Variants in ZC3H12B observed in about 807,000 individuals in gnomAD.
ZC3H12B encodes probable ribonuclease ZC3H12B.
ZC3H12B carries 7 observed loss-of-function variants against 43.9 expected under a neutral mutation model. The observed-to-expected ratio is 0.16, with a 90% CI of 0.09 to 0.30. ZC3H12B has a LOEUF of 0.30. Among genes scored for constraint, ZC3H12B ranks in the 10% least tolerant of loss-of-function variants. ZC3H12B has a pLI of 1.00. For missense variants in ZC3H12B, 475 were observed against 670.2 expected (o/e 0.71, Z 3.22); for synonymous variants, 222 against 241.7 (o/e 0.92, Z 0.76).
At chrX:65,370,669 C>A (rs941988748) in intron 2 of ZC3H12B, among the ~76,000 whole-genome samples, 3 of 111,822 alleles carry the variant, frequency 2.7e-5, no homozygotes, top group Non-Finnish European at 5.6e-5. Context: ...GCCCCAGCAG[C>A]CATGCAATAG....
chrX:65,459,508 C>T (rs1428158391), intron 3 of ZC3H12B, among the ~76,000 whole-genome samples: 5 of 111,544 alleles, frequency 4.5e-5, no homozygotes, highest in Non-Finnish European at 9.4e-5. Context: ...GCTTATCCAC[C>T]ATGATCAAGT....
chrX:65,334,336 T>G, the ZC3H12B span, among the ~76,000 whole-genome samples: 6 of 112,284 alleles, frequency 5.3e-5, no homozygotes, highest in East Asian at 1.7e-3. Context: ...AACCTTTCAC[T>G]TGCTGAAACC....
At position 65,450,326 on chromosome X, in the gene ZC3H12B, T is replaced by C. The variant is rs748591965; in HGVS notation, n.408-38320T>C. ...CTCAAAAAAAAAATATATATATATA[T>C]ACATATATATGTATATATATGTGTA... On this transcript the variant is annotated intron_variant and non_coding_transcript_variant, in intron 3 of 5. Transcript: ENST00000617377. Among the ~76,000 whole-genome samples, 660 of 85,553 alleles carry C rather than the reference T, an allele frequency of 7.7e-3. 3 individuals are homozygous for C. The highest frequency in any genetic ancestry group is 0.014 in the South Asian group (24 of 1,704). The allele number at this position is 85,553 out of a possible 115,157, so 74.3% of individuals were successfully genotyped here.
the ZC3H12B span, among the ~76,000 whole-genome samples, chrX:65,113,337 T>C: frequency 9.0e-6 from 1 of 111,543 alleles, no homozygotes; most frequent in African/African-American, 3.3e-5. Context: ...TATGTAAACC[T>C]AGTTGATTAA....
chrX:65,038,013 T>G, the ZC3H12B span, among the ~76,000 whole-genome samples: 2 of 111,227 alleles, frequency 1.8e-5, no homozygotes, highest in African/African-American at 6.5e-5. Flanking sequence ...CTAACAACCT[T>G]CCGCTATATT....
At chrX:65,079,314 G>A in the ZC3H12B span, among the ~76,000 whole-genome samples, 5 of 112,716 alleles carry the variant, frequency 4.4e-5, no homozygotes, top group East Asian at 2.8e-4. Flanking sequence ...TGAAGGGAAG[G>A]ATGCAGGCCT....
At chrX:65,181,451 A>G in the ZC3H12B span, among the ~76,000 whole-genome samples, 7 of 111,693 alleles carry the variant, frequency 6.3e-5, no homozygotes, top group South Asian at 1.5e-3. Flanking sequence ...ACAAACTATC[A>G]TCAGAGTGAA....
the ZC3H12B span, among the ~76,000 whole-genome samples, chrX:65,213,855 A>G: frequency 9.2e-6 from 1 of 108,418 alleles, no homozygotes; most frequent in Admixed American, 1.0e-4. Context: ...AGGTCACTAT[A>G]AAGTAAATCA....
the ZC3H12B span, among the ~76,000 whole-genome samples, chrX:65,176,017 G>T: frequency 4.6e-5 from 5 of 109,670 alleles, 1 homozygote; most frequent in Admixed American, 3.9e-4. Context: ...CCCCAGTGGC[G>T]CCTGGAACAC....
intron 3 of ZC3H12B, among the ~76,000 whole-genome samples, chrX:65,446,939 C>T (rs939170135): frequency 1.8e-5 from 2 of 111,863 alleles, no homozygotes; most frequent in African/African-American, 6.5e-5. Context: ...TTTACTCTGT[C>T]TTCTGCCTCT....
chrX:65,316,298 A>G, the ZC3H12B span, among the ~76,000 whole-genome samples: 1 of 112,000 alleles, frequency 8.9e-6, no homozygotes, highest in Non-Finnish European at 1.9e-5. Context: ...TAAAGAGGCC[A>G]GCATTTAAAG....
the ZC3H12B span, among the ~76,000 whole-genome samples, chrX:65,148,792 T>C: frequency 8.9e-6 from 1 of 111,852 alleles, no homozygotes; most frequent in Non-Finnish European, 1.9e-5. Context: ...TCATCTGGTG[T>C]CTTTAGTTCT....
the ZC3H12B span, among the ~76,000 whole-genome samples, chrX:65,161,745 G>A: frequency 5.4e-5 from 6 of 111,988 alleles, no homozygotes; most frequent in African/African-American, 1.9e-4. Context: ...TTTAATTGGA[G>A]CATTTAGTCC....
At chrX:65,184,432 AT>A in the ZC3H12B span, among the ~76,000 whole-genome samples, 6 of 111,283 alleles carry the variant, frequency 5.4e-5, no homozygotes, top group African/African-American at 2.0e-4. Flanking sequence ...AGAACTCCCC[AT>A]CCTGCTAGAT....
At chrX:65,319,256 C>A in the ZC3H12B span, among the ~76,000 whole-genome samples, 1 of 111,253 alleles carries the variant, frequency 9.0e-6, no homozygotes, top group African/African-American at 3.3e-5. Context: ...TACCACTGAA[C>A]CCACAAAAAT....
the ZC3H12B span, among the ~76,000 whole-genome samples, chrX:65,292,119 C>T: frequency 3.6e-5 from 4 of 111,567 alleles, no homozygotes; most frequent in East Asian, 1.1e-3. Context: ...AAAGATGAGG[C>T]AGAAATCAGT....
At chrX:65,287,860 G>T in the ZC3H12B span, among the ~76,000 whole-genome samples, 2 of 109,181 alleles carry the variant, frequency 1.8e-5, no homozygotes, top group Non-Finnish European at 3.8e-5. Context: ...GCAAAGAGTT[G>T]GTTCTTCAAA....
At chrX:65,397,885 G>A (rs1474375423) in intron 2 of ZC3H12B, among the ~76,000 whole-genome samples, 1 of 111,693 alleles carries the variant, frequency 9.0e-6, no homozygotes, top group East Asian at 2.8e-4. Context: ...ACAAAACCCA[G>A]AGACTTTACC....
the ZC3H12B span, among the ~76,000 whole-genome samples, chrX:65,156,537 C>G: frequency 6.3e-5 from 7 of 111,164 alleles, no homozygotes; most frequent in African/African-American, 2.0e-4. Context: ...TCTGTCACCA[C>G]GCCTGGCTAA....
Sources: allele counts gnomAD v4.1 joint callset (sites outside exome capture counted in the v4.1 genomes callset), GRCh38; gene constraint gnomAD v4.1.1; transcripts MANE v1.5; gene names NCBI Gene and HGNC (gene_info 2026-07-23, HGNC 2026-07-21).